Variants in MAP4K4 observed in about 807,000 individuals in gnomAD.
MAP4K4 encodes the protein mitogen-activated protein kinase kinase kinase kinase 4.
A neutral mutation model predicts 189.6 loss-of-function variants in MAP4K4; 38 were observed. The observed-to-expected ratio is 0.20, with a 90% CI of 0.15 to 0.26. The LOEUF (loss-of-function observed/expected upper bound fraction) is 0.26, where lower values mean the gene tolerates loss of function less well. MAP4K4 is among the 10% of genes least tolerant of loss of function. MAP4K4 has a pLI of 1.00. For synonymous variants in MAP4K4, 610 were observed against 624.3 expected, an observed-to-expected ratio of 0.98 and a Z score of 0.34; for missense variants, 1,054 against 1,726.9, an observed-to-expected ratio of 0.61 and a Z score of 6.91.
At chr2:101,877,209 C>A in intron 27 of MAP4K4, 63 bp downstream of exon 27, 1 of 1,534,234 alleles carries the variant, frequency 6.5e-7, no homozygotes, top group Non-Finnish European at 9.0e-7. Flanking sequence ...TAGCTTTACA[C>A]ACTAAACTTC....
At chr2:101,805,844 A>G (rs2094874995) in intron 3 of MAP4K4, among the ~76,000 whole-genome samples, 2 of 151,920 alleles carry the variant, frequency 1.3e-5, no homozygotes, top group African/African-American at 4.8e-5. Flanking sequence ...TTTGTGCAGC[A>G]CTCTTTGGGA....
At chr2:101,702,774 G>C (rs900604027) in intron 2 of MAP4K4, among the ~76,000 whole-genome samples, 4 of 152,196 alleles carry the variant, frequency 2.6e-5, no homozygotes, top group Admixed American at 6.5e-5. Context: ...GTCATTGGAG[G>C]AAGGGTACAA....
intron 7 of MAP4K4, among the ~76,000 whole-genome samples, chr2:101,832,747 G>T (rs1021714340): frequency 2.0e-5 from 3 of 152,174 alleles, no homozygotes; most frequent in Non-Finnish European, 4.4e-5. Flanking sequence ...ACAAGGCAAT[G>T]TATTTGGTTA....
chr2:101,746,461 G>C (rs567414200), intron 2 of MAP4K4, among the ~76,000 whole-genome samples: 4 of 151,958 alleles, frequency 2.6e-5, no homozygotes, highest in Admixed American at 2.6e-4. Context: ...TTGTTGTTCT[G>C]CCATGGTAAT....
At chr2:101,836,044 CT>C (rs1438272771) in intron 9 of MAP4K4, 66 bp downstream of exon 9, 31 of 1,217,152 alleles carry the variant, frequency 2.5e-5, no homozygotes, top group Non-Finnish European at 3.2e-5. Context: ...TTTAGTTATA[CT>C]TTCCTCTGAG....
intron 26 of MAP4K4, among the ~76,000 whole-genome samples, chr2:101,875,663 G>C (rs2150111006): frequency 6.6e-6 from 1 of 152,188 alleles, no homozygotes; most frequent in East Asian, 1.9e-4. Context: ...GTTTATGACT[G>C]AGGAAATCAG....
intron 22 of MAP4K4, 100 bp downstream of exon 22, chr2:101,869,897 G>A: frequency 7.1e-7 from 1 of 1,413,548 alleles, no homozygotes; most frequent in Non-Finnish European, 9.4e-7. Flanking sequence ...GACCCCATGA[G>A]CACTTACTAT....
Position 101,749,952 on chromosome 2 carries a change from A to T in MAP4K4, c.124-40768A>T, listed in dbSNP as rs951496499. On this transcript the variant is annotated intron_variant, in intron 2 of 32. Transcript: ENST00000324219. ...CATCAGAGAAATGCAAATCAAAACC[A>T]CAATGAGATACCATCTCACACCAGT... is the stretch of plus-strand genomic sequence containing the variant. 1.2e-4 allele frequency among the ~76,000 whole-genome samples: 14 copies of T among 118,488 alleles called. 1 individual carries two copies. The highest frequency in any genetic ancestry group is 7.1e-4 in the African/African-American group (14 of 19,788). 77.7% of individuals were successfully genotyped at this position (118,488 alleles called of 152,430 possible).
intron 2 of MAP4K4, among the ~76,000 whole-genome samples, chr2:101,751,871 T>G (rs1360125512): frequency 1.3e-5 from 2 of 152,218 alleles, no homozygotes; most frequent in Non-Finnish European, 2.9e-5. Flanking sequence ...ATTGCTTTCT[T>G]TTATACTGTT....
intron 2 of MAP4K4, among the ~76,000 whole-genome samples, chr2:101,707,188 T>C (rs2042750218): frequency 6.6e-6 from 1 of 151,968 alleles, no homozygotes; most frequent in Non-Finnish European, 1.5e-5. Context: ...TCTTAGTTAC[T>C]ACTCCATCCA....
intron 13 of MAP4K4, among the ~76,000 whole-genome samples, chr2:101,858,510 A>G (rs1559214709): frequency 6.6e-6 from 1 of 152,158 alleles, no homozygotes; most frequent in Non-Finnish European, 1.5e-5. Flanking sequence ...TGGAATTGTT[A>G]GTGAAAGCAT....
At chr2:101,844,426 T>A in intron 12 of MAP4K4, 115 bp downstream of exon 12, 2 of 785,320 alleles carry the variant, frequency 2.5e-6, no homozygotes, top group Non-Finnish European at 4.1e-6. Flanking sequence ...ACTTATCCCC[T>A]GGCACAGCTG....
chr2:101,837,754 T>G (rs1191141585), intron 9 of MAP4K4, among the ~76,000 whole-genome samples: 1 of 152,188 alleles, frequency 6.6e-6, no homozygotes, highest in Non-Finnish European at 1.5e-5. Flanking sequence ...GATTGCTAAG[T>G]TAATGCTGTC....
chr2:101,812,021 G>C (rs1439485747), intron 3 of MAP4K4, among the ~76,000 whole-genome samples: 1 of 152,116 alleles, frequency 6.6e-6, no homozygotes, highest in Non-Finnish European at 1.5e-5. Context: ...CACACTCTTG[G>C]AGGAGGAGGT....
chr2:101,773,196 C>A lies in MAP4K4; in HGVS notation c.124-17524C>A, dbSNP rs533025289. On this transcript the variant is annotated intron_variant, in intron 2 of 32. Coordinates refer to ENST00000324219, the Ensembl canonical transcript of MAP4K4. ...TGTTCTGGTTTTGATGTTTTCCCAA[C>A]TCAAGACCCTAAATCAGTAGAGACT... is the stretch of plus-strand genomic sequence containing the variant. Among the ~76,000 whole-genome samples, 191 of 152,314 alleles carry A rather than the reference C, an allele frequency of 1.3e-3. 1 individual carries two copies. Among genetic ancestry groups the A allele is most frequent in the African/African-American group, 4.3e-3 (180 of 41,570 alleles).
At chr2:101,791,455 A>G (rs1327817783) in intron 3 of MAP4K4, among the ~76,000 whole-genome samples, 4 of 152,110 alleles carry the variant, frequency 2.6e-5, no homozygotes, top group Non-Finnish European at 5.9e-5. Context: ...AATATATTAT[A>G]ATGAACTAAA....
chr2:101,793,568 G>GTT (rs5832988), intron 3 of MAP4K4, among the ~76,000 whole-genome samples: 1,818 of 127,528 alleles, frequency 0.014, 25 homozygotes, highest in East Asian at 0.035. Context: ...ACTCTTCATG[G>GTT]TTTTTTTTTT....
At chr2:101,831,628 A>G (rs1212099966) in intron 6 of MAP4K4, 93 bp from the exon 7 acceptor site, 1 of 1,348,346 alleles carries the variant, frequency 7.4e-7, no homozygotes, top group Non-Finnish European at 1.0e-6. Flanking sequence ...TCAGTTTACT[A>G]TGAAGACATT....
intron 3 of MAP4K4, among the ~76,000 whole-genome samples, chr2:101,809,128 A>G (rs2095245057): frequency 6.6e-6 from 1 of 152,190 alleles, no homozygotes; most frequent in Non-Finnish European, 1.5e-5. Context: ...TTTAGTCTCA[A>G]CTACATACTT....
Sources: gnomAD v4.1 joint callset for allele counts (sites outside exome capture counted in the v4.1 genomes callset) on GRCh38, gnomAD v4.1.1 for gene constraint, MANE v1.5 for transcripts, NCBI Gene and HGNC (gene_info 2026-07-23, HGNC 2026-07-21) for gene names.